MYEF2: variants seen among roughly 807,000 people sequenced by gnomAD.
MYEF2 encodes the protein myelin expression factor 2.
MYEF2 carries 37 observed loss-of-function variants against 75.2 expected under a neutral mutation model. That is an observed-to-expected ratio of 0.49 (90% confidence interval 0.38 to 0.65). MYEF2 has a LOEUF of 0.65. MYEF2 is among the 30% of genes least tolerant of loss of function. The pLI, the probability that MYEF2 is intolerant of heterozygous loss-of-function variation, is 0.00. For missense variants in MYEF2, 634 were observed against 771.4 expected, an observed-to-expected ratio of 0.82 and a Z score of 2.11; for synonymous variants, 195 against 241.6, an observed-to-expected ratio of 0.81 and a Z score of 1.79.
Position 48,142,759 on chromosome 15 carries a change from T to C in MYEF2, c.*149A>G, listed in dbSNP as rs2039132739. ...TGAGATTAACAAAAATTACAGTATA[T>C]TTTTAACATTATACTGTTAAAAGCT... is the stretch of plus-strand genomic sequence containing the variant. On this transcript the variant is annotated 3_prime_UTR_variant, in exon 17 of 17. Transcript: ENST00000324324. 1 of 739,076 alleles carries C rather than the reference T, an allele frequency of 1.4e-6. No homozygotes were observed. The highest frequency in any genetic ancestry group is 2.6e-4 in the Middle Eastern group (1 of 3,878). 45.8% of individuals were successfully genotyped at this position (739,076 alleles called of 1,614,324 possible). A position where few individuals can be genotyped will look rare whatever the true frequency, so the allele number is the denominator to read the frequency against.
chr15:48,149,223 T>C lies in MYEF2; in HGVS notation c.1527A>G (p.Pro509=). The change falls in exon 15 of 17, where the codon CCA becomes CCG. Residue 509 remains proline, a synonymous_variant. Transcript: ENST00000324324. The surrounding 1 kb of genome is among the most constrained non-coding windows in gnomAD (Gnocchi z 4.0). ...TTCTCTCTCTCATTCCGCTTCCCAT[T>C]GGACCCGATAAAAATCCTCGATCCA... is the stretch of plus-strand genomic sequence containing the variant. ...IDMDRGFLSG[P]MGSGMRERIG... 6.2e-7 allele frequency: 1 copy of C among 1,613,484 alleles called. No individual in the cohort carries two copies. The highest frequency in any genetic ancestry group is 8.5e-7 in the Non-Finnish European group (1 of 1,179,552).
chr15:48,142,906 A>T lies in MYEF2; in HGVS notation c.*2T>A, dbSNP rs2094495532. The T allele has an allele frequency of 6.3e-7, 1 of 1,587,804 alleles. No individual in the cohort carries two copies. The highest frequency in any genetic ancestry group is 1.4e-5 in the African/African-American group (1 of 72,936). Reference sequence around the variant, plus strand: ...TAGGAATGTTCCAACCATGGCTTGAAATTATGCATTACGATCCAAGCGAAC... The same window carrying T: ...TAGGAATGTTCCAACCATGGCTTGATATTATGCATTACGATCCAAGCGAAC... On this transcript the variant is annotated 3_prime_UTR_variant, in exon 17 of 17. Transcript: ENST00000324324.
chr15:48,142,150 C>G lies in MYEF2; in HGVS notation c.*758G>C. On this transcript the variant is annotated 3_prime_UTR_variant, in exon 17 of 17. Coordinates refer to ENST00000324324, the MANE Select transcript of MYEF2 (RefSeq NM_016132.5). ...ATGGATCAGCTCCTGCAGAAGTAAA[C>G]AGCAGAGGACTAACTTACATAACCA... 1 of 1,613,850 alleles carries G rather than the reference C, an allele frequency of 6.2e-7. No homozygotes were observed. The highest frequency in any genetic ancestry group is 8.5e-7 in the Non-Finnish European group (1 of 1,179,874).
chr15:48,178,052 C>G lies in MYEF2; in HGVS notation c.161+25G>C, dbSNP rs550133408. 4 of 1,581,818 alleles carry G rather than the reference C, an allele frequency of 2.5e-6. No homozygotes were observed. In the Admixed American group the frequency reaches 7.0e-5, roughly 28 times the overall value. On this transcript the variant is annotated intron_variant, in intron 1 of 16. Transcript: ENST00000324324. ...AGACTCCCCGCCCCCCACCTCGCCC[C>G]GGTTCCCGGAGGAAAAGACAATACA... is the stretch of plus-strand genomic sequence containing the variant.
At chr15:48,151,718 C>T (rs893325176) in intron 12 of MYEF2, 147 bp from the exon 13 acceptor site, 4 of 1,128,824 alleles carry the variant, frequency 3.5e-6, no homozygotes, top group African/African-American at 3.1e-5. Context: ...ACATGCCACA[C>T]ATATCATCCC....
At chr15:48,143,883 T>G (rs975847532) in intron 16 of MYEF2, among the ~76,000 whole-genome samples, 2 of 151,984 alleles carry the variant, frequency 1.3e-5, no homozygotes, top group Non-Finnish European at 2.9e-5. Context: ...ATCACTACAA[T>G]AGAACACTTT....
chr15:48,167,600 T>TA (rs1056065484), intron 2 of MYEF2, among the ~76,000 whole-genome samples, 199 bp from the exon 3 acceptor site: 8 of 151,972 alleles, frequency 5.3e-5, no homozygotes, highest in Admixed American at 1.3e-4. Context: ...CCACATTCTC[T>TA]AAAAAAAAGC....
rs1286771858 is a variant in MYEF2 at position 48,135,850 on chromosome 15, A to T, written c.*7058T>A. On this transcript the variant is annotated 3_prime_UTR_variant, in exon 17 of 17. Coordinates refer to ENST00000324324, the MANE Select transcript of MYEF2 (RefSeq NM_016132.5). ...ATCCTGTCCTCTAGTCCGTCTCCCT[A>T]AGACACTGTGTTGGTAGAATAGAAA... 1.3e-5 allele frequency: 2 copies of T among 152,100 alleles called. No individual in the cohort carries two copies. The highest frequency in any genetic ancestry group is 4.8e-5 in the African/African-American group (2 of 41,418). The allele number at this position is 152,100 out of a possible 1,614,324, so 9.4% of individuals were successfully genotyped here.
At chr15:48,156,442 C>T (rs778381871) in intron 9 of MYEF2, among the ~76,000 whole-genome samples, 1 of 148,448 alleles carries the variant, frequency 6.7e-6, no homozygotes, top group Non-Finnish European at 1.5e-5. Flanking sequence ...TAATTTAAGC[C>T]AAAATATTTG....
rs1274748574 is a variant in MYEF2, at chr15:48,149,858, A to G, written c.1379-487T>C. On this transcript the variant is annotated intron_variant, in intron 14 of 16. Coordinates refer to ENST00000324324, the MANE Select transcript of MYEF2 (RefSeq NM_016132.5). The surrounding 1 kb of genome is among the most constrained non-coding windows in gnomAD (Gnocchi z 4.0). ...GCCGCTCTCATCATACTCTCCTACA[A>G]GTAAATACTCCTTTCCTAGCTTATC... 6.6e-6 allele frequency: 1 copy of G among 152,536 alleles called. No individual in the cohort carries two copies. The highest frequency in any genetic ancestry group is 1.5e-5 in the Non-Finnish European group (1 of 68,416). 9.4% of individuals were successfully genotyped at this position (152,536 alleles called of 1,614,324 possible).
chr15:48,137,998 A>T lies in MYEF2; in HGVS notation c.*4910T>A, dbSNP rs746997136. On this transcript the variant is annotated 3_prime_UTR_variant, in exon 17 of 17. Transcript: ENST00000324324. ...GTTTTATTCTAATCTACTACTTAAA[A>T]TTTTAAAACATGACTTTTCCCCCTT... 3.9e-5 allele frequency: 6 copies of T among 152,106 alleles called. No individual in the cohort carries two copies. Among genetic ancestry groups the T allele is most frequent in the Non-Finnish European group, 7.4e-5 (5 of 67,982 alleles). The allele number at this position is 152,106 out of a possible 1,614,324, so 9.4% of individuals were successfully genotyped here.
At position 48,141,345 on chromosome 15, in the gene MYEF2, G is replaced by A. The variant is rs370190944; in HGVS notation, c.*1563C>T. On this transcript the variant is annotated 3_prime_UTR_variant, in exon 17 of 17. Transcript: ENST00000324324. ...TGTAATCCCAGGATTTTGGGAGGCC[G>A]AGGCGGGTGGATCACGAGGTCAGGA... 39 of 614,978 alleles carry A rather than the reference G, an allele frequency of 6.3e-5. No individual in the cohort carries two copies. The highest frequency in any genetic ancestry group is 4.2e-4 in the East Asian group (13 of 31,054). The allele number at this position is 614,978 out of a possible 1,614,324, so 38.1% of individuals were successfully genotyped here.
intron 5 of MYEF2, 29 bp downstream of exon 5, chr15:48,165,904 G>T: frequency 7.0e-7 from 1 of 1,423,094 alleles, no homozygotes; most frequent in Non-Finnish European, 9.6e-7. Context: ...ATAGTCAAAT[G>T]TTTAAATTCT....
intron 12 of MYEF2, 21 bp from the exon 13 acceptor site, chr15:48,151,592 A>G (rs962472506): frequency 9.5e-6 from 15 of 1,583,838 alleles, no homozygotes; most frequent in Non-Finnish European, 1.1e-5. Flanking sequence ...TGTGCAACAA[A>G]TTAACCTTTT....
intron 1 of MYEF2, among the ~76,000 whole-genome samples, chr15:48,175,903 C>T (rs2040500866): frequency 6.6e-6 from 1 of 152,058 alleles, no homozygotes; most frequent in African/African-American, 2.4e-5. Context: ...ACTAAATTCC[C>T]TGTATATGAG....
At position 48,139,279 on chromosome 15, in the gene MYEF2, G is replaced by T; in HGVS notation, c.*3629C>A. 1 of 932,854 alleles carries T rather than the reference G, an allele frequency of 1.1e-6. No homozygotes were observed. 57.8% of individuals were successfully genotyped at this position (932,854 alleles called of 1,614,324 possible). On this transcript the variant is annotated 3_prime_UTR_variant, in exon 17 of 17. Coordinates refer to ENST00000324324, the MANE Select transcript of MYEF2 (RefSeq NM_016132.5). ...TAGCTACACAGCAAATTTCTTTTCA[G>T]CAAGATTGAAGATTAGTACCATTTA...
chr15:48,152,211 A>G, intron 11 of MYEF2, 23 bp downstream of exon 11: 1 of 1,601,556 alleles, frequency 6.2e-7, no homozygotes, highest in Non-Finnish European at 8.5e-7. Context: ...GGTACATACA[A>G]AAAAACAAAT....
chr15:48,139,311 G>A lies in MYEF2; in HGVS notation c.*3597C>T. ...TGAAGATTAGTACCATTTACAAAAT[G>A]ATTAAGTATTACTATAACAAGATCA... is the stretch of plus-strand genomic sequence containing the variant. On this transcript the variant is annotated 3_prime_UTR_variant, in exon 17 of 17. Coordinates refer to ENST00000324324, the MANE Select transcript of MYEF2 (RefSeq NM_016132.5). 1 of 645,782 alleles carries A rather than the reference G, an allele frequency of 1.5e-6. No homozygotes were observed. The highest frequency in any genetic ancestry group is 2.6e-6 in the Non-Finnish European group (1 of 378,058). 40.0% of individuals were successfully genotyped at this position (645,782 alleles called of 1,614,324 possible). A position where few individuals can be genotyped will look rare whatever the true frequency, so the allele number is the denominator to read the frequency against.
At position 48,168,740 on chromosome 15, in the gene MYEF2, C is replaced by A. The variant is rs1425224231; in HGVS notation, c.261G>T (p.Lys87Asn). The A allele has an allele frequency of 6.2e-7, 1 of 1,613,698 alleles. No homozygotes were observed. Among genetic ancestry groups the A allele is most frequent in the Non-Finnish European group, 8.5e-7 (1 of 1,179,694 alleles). ...CCTTCTTTTCTCCAGCGCCCGAATT[C>A]TTGTCTTTTGAATAAGGATGAAATC... ...ANRFHPYSKD[K>N]NSGAGEKKGP... The change falls in exon 2 of 17, where the codon AAG (lysine) becomes AAT (asparagine). Residue 87 changes from lysine (K) to asparagine (N), a missense_variant. Transcript: ENST00000324324.
Sources: gnomAD v4.1 joint callset for allele counts (sites outside exome capture counted in the v4.1 genomes callset) on GRCh38, gnomAD v4.1.1 for gene constraint, Gnocchi (gnomAD v3.1) non-coding constraint, MANE v1.5 for transcripts, NCBI Gene and HGNC (gene_info 2026-07-23, HGNC 2026-07-21) for gene names.